The following CNGB3 variants were observed in gnomAD, a reference collection of about 807,000 sequenced individuals.
CNGB3 encodes the protein cyclic nucleotide gated channel subunit beta 3.
CNGB3 carries 86 observed loss-of-function variants against 92.8 expected under a neutral mutation model. That is an observed-to-expected ratio of 0.93 (90% CI 0.78 to 1.11). The LOEUF is 1.11. Among genes scored for constraint, CNGB3 ranks in the 50% least tolerant of loss-of-function variants. The pLI is 0.00. For missense variants in CNGB3, 1,026 were observed against 956.8 expected (o/e 1.07, Z -0.95); for synonymous variants, 333 against 332.7 (o/e 1.00, Z -0.01).
chr8:86,608,565 C>T (rs1479400485), intron 14 of CNGB3, among the ~76,000 whole-genome samples: 6 of 152,194 alleles, frequency 3.9e-5, no homozygotes, highest in African/African-American at 1.2e-4. Flanking sequence ...GAGGCCTAAC[C>T]GTCTCCCTGT....
intron 3 of CNGB3, among the ~76,000 whole-genome samples, chr8:86,709,327 G>C (rs1021718713): frequency 3.3e-5 from 5 of 152,156 alleles, no homozygotes; most frequent in Non-Finnish European, 5.9e-5. Flanking sequence ...TTGTCAACTT[G>C]TCCCCTGGCT....
chr8:86,584,381 T>C (rs913204767), intron 15 of CNGB3, among the ~76,000 whole-genome samples: 2 of 152,232 alleles, frequency 1.3e-5, no homozygotes, highest in African/African-American at 4.8e-5. Context: ...TGTATATGTA[T>C]GTTAGACTAT....
chr8:86,600,776 A>ATTTTTTTT (rs533111246), intron 15 of CNGB3, among the ~76,000 whole-genome samples: 25 of 38,424 alleles, frequency 6.5e-4, no homozygotes, highest in South Asian at 1.2e-3. Context: ...CGCTCGGCTA[A>ATTTTTTTT]TTTTTTTTTT....
intron 4 of CNGB3, among the ~76,000 whole-genome samples, chr8:86,670,024 T>C (rs945124305): frequency 5.9e-5 from 9 of 152,112 alleles, no homozygotes; most frequent in Non-Finnish European, 1.0e-4. Context: ...TGATTTTTTG[T>C]ATTTTAGTAG....
At chr8:86,702,367 ATAT>A (rs1272622337) in intron 3 of CNGB3, among the ~76,000 whole-genome samples, 38 of 152,202 alleles carry the variant, frequency 2.5e-4, no homozygotes, top group Non-Finnish European at 1.3e-4. Flanking sequence ...TACACATTTT[ATAT>A]TATTATAGGT....
At chr8:86,649,090 T>C (rs531624494) in intron 7 of CNGB3, among the ~76,000 whole-genome samples, 11 of 151,096 alleles carry the variant, frequency 7.3e-5, no homozygotes, top group Non-Finnish European at 1.3e-4. Flanking sequence ...CAATAACAAA[T>C]CCCTAGGAAT....
chr8:86,693,921 C>T (rs1431827610), intron 3 of CNGB3, among the ~76,000 whole-genome samples: 1 of 143,108 alleles, frequency 7.0e-6, no homozygotes, highest in Non-Finnish European at 1.5e-5. Flanking sequence ...TTCCACAAAA[C>T]CGCCATTGTC....
intron 15 of CNGB3, among the ~76,000 whole-genome samples, chr8:86,581,046 T>TAA (rs35623590): frequency 5.3e-5 from 8 of 151,950 alleles, no homozygotes; most frequent in African/African-American, 7.3e-5. Context: ...TGTTAATTGT[T>TAA]AAAAAACTTA....
In CNGB3 at chr8:86,626,114, A is replaced by G. The variant is rs368893144; in HGVS notation, c.1481-34T>C. 1.4e-5 allele frequency: 21 copies of G among 1,496,594 alleles called. No homozygotes were observed. In the African/African-American group the frequency reaches 2.6e-4, roughly 19 times the overall value. The allele number at this position is 1,496,594 out of a possible 1,614,324, so 92.7% of individuals were successfully genotyped here. ...AGATAAACACATCAAACCCCGATGC[A>G]GAATAATTAATGAAATAAGTCACCA... On this transcript the variant is annotated intron_variant, in intron 12 of 17. Transcript: ENST00000320005.
intron 1 of CNGB3, among the ~76,000 whole-genome samples, chr8:86,742,847 C>T (rs1441960295): frequency 6.6e-6 from 1 of 152,124 alleles, no homozygotes; most frequent in African/African-American, 2.4e-5. Flanking sequence ...TTATCATATA[C>T]ATTTTGCAGA....
At chr8:86,716,299 T>C (rs1392306892) in intron 3 of CNGB3, among the ~76,000 whole-genome samples, 1 of 152,208 alleles carries the variant, frequency 6.6e-6, no homozygotes, top group African/African-American at 2.4e-5. Flanking sequence ...GAGAATATAT[T>C]TGAGGGAATA....
chr8:86,735,144 C>CTTTTTTT (rs10689543), intron 2 of CNGB3, among the ~76,000 whole-genome samples: 69,478 of 81,076 alleles, frequency 0.86, 31,932 homozygotes, highest in South Asian at 0.91. Context: ...AAATGGTTGC[C>CTTTTTTT]TTTTTTTTTT....
In CNGB3 at chr8:86,578,855, A is replaced by T; in HGVS notation, c.1937T>A (p.Leu646Ter). Residue 646 changes from leucine to a stop codon, truncating the protein, a stop_gained, in exon 17 of 18, where the codon TTA (leucine) becomes TAA (stop). Transcript: ENST00000320005. LOFTEE classifies it high-confidence loss of function. ...RILMKKARVL[L>*]KQKAKTAEAT... ...TTCTGCGGTCTTAGCCTTCTGCTTT[A>T]AAAGCACTCTGTGGGTAAGAGAGAA... 6.2e-7 allele frequency: 1 copy of T among 1,614,176 alleles called. No homozygotes were observed. Among genetic ancestry groups the T allele is most frequent in the South Asian group, 1.1e-5 (1 of 91,082 alleles).
chr8:86,676,869 C>A (rs1354559751), intron 3 of CNGB3, among the ~76,000 whole-genome samples: 1 of 152,172 alleles, frequency 6.6e-6, no homozygotes, highest in Non-Finnish European at 1.5e-5. Flanking sequence ...AAGCCAGTAA[C>A]GCTGCCTTTC....
chr8:86,695,989 T>C (rs1175987470), intron 3 of CNGB3, among the ~76,000 whole-genome samples: 1 of 152,162 alleles, frequency 6.6e-6, no homozygotes, highest in African/African-American at 2.4e-5. Context: ...AAGTGTCCTG[T>C]GATTTGATCT....
In CNGB3 at chr8:86,668,016, T is replaced by C; in HGVS notation, c.643+3A>G. The C allele has an allele frequency of 6.2e-7, 1 of 1,614,062 alleles. No homozygotes were observed. Among genetic ancestry groups the C allele is most frequent in the Non-Finnish European group, 8.5e-7 (1 of 1,179,962 alleles). The stretch of plus-strand genomic sequence containing the variant: ...ACTATGATAATTCACCCTTTGATAA[T>C]ACCTGTGTATGAATCTATGCTGTTT... On this transcript the variant is annotated splice_donor_region_variant and intron_variant, in intron 5 of 17. Transcript: ENST00000320005.
At chr8:86,673,350 T>C (rs879332080) in intron 3 of CNGB3, among the ~76,000 whole-genome samples, 8 of 152,200 alleles carry the variant, frequency 5.3e-5, no homozygotes, top group Non-Finnish European at 1.2e-4. Flanking sequence ...GAGAGTGATA[T>C]GTTCAAAGGC....
chr8:86,700,618 T>A (rs1824537294), intron 3 of CNGB3, among the ~76,000 whole-genome samples: 1 of 152,204 alleles, frequency 6.6e-6, no homozygotes, highest in Non-Finnish European at 1.5e-5. Flanking sequence ...GTAGATGGAC[T>A]GGTAGACCAA....
At position 86,643,803 on chromosome 8, in the gene CNGB3, T is replaced by C. The variant is rs754937899; in HGVS notation, c.1126A>G (p.Asn376Asp). 11 of 1,606,674 alleles carry C rather than the reference T, an allele frequency of 6.8e-6. No individual in the cohort carries two copies. The highest frequency in any genetic ancestry group is 1.7e-5 in the Admixed American group (1 of 59,372). The change falls in exon 10 of 18, where the codon AAC (asparagine) becomes GAC (aspartate). Residue 376 changes from asparagine (N) to aspartate (D), a missense_variant. Physicochemically the swap from Asn to Asp is conservative, Grantham distance 23 (BLOSUM62 1). Coordinates refer to ENST00000320005, the MANE Select transcript of CNGB3 (RefSeq NM_019098.5). Reference protein sequence around the residue: ...INACVYYWASNYEGIGTTRWV... With the variant: ...INACVYYWASDYEGIGTTRWV... ...CTAGTAGTGCCAATTCCTTCATAGTTTGAAGCCCAGTAATAAACACAGGCA... is the reference window on the plus strand; with the variant it reads ...CTAGTAGTGCCAATTCCTTCATAGTCTGAAGCCCAGTAATAAACACAGGCA...
Sources: allele counts gnomAD v4.1 joint callset (sites outside exome capture counted in the v4.1 genomes callset), GRCh38; gene constraint gnomAD v4.1.1; transcripts MANE v1.5; gene names NCBI Gene and HGNC (gene_info 2026-07-23, HGNC 2026-07-21).